CAPN1: variants seen among roughly 807,000 people sequenced by gnomAD.
The protein encoded by CAPN1 is calpain-1 catalytic subunit.
Under a neutral mutation model 105.2 loss-of-function variants are expected in CAPN1, and 77 were observed. The ratio of observed to expected loss-of-function variants is 0.73; its 90% CI spans 0.61 to 0.88. The LOEUF is 0.88. Among genes scored for constraint, CAPN1 ranks in the 40% least tolerant of loss-of-function variants. CAPN1 has a pLI of 0.00. For synonymous variants in CAPN1, 355 were observed against 388.8 expected (o/e 0.91, Z 1.02); for missense variants, 833 against 976.6 (o/e 0.85, Z 1.96).
chr11:65,193,873 G>A (rs184357552), intron 10 of CAPN1, among the ~76,000 whole-genome samples: 21 of 150,836 alleles, frequency 1.4e-4, no homozygotes, highest in African/African-American at 4.1e-4. Context: ...GGGATTATAC[G>A]TGTGTGCCAC....
intron 1 of CAPN1, 160 bp downstream of exon 1, chr11:65,182,173 G>A: frequency 6.4e-6 from 1 of 157,208 alleles, no homozygotes; most frequent in Non-Finnish European, 1.4e-5. Context: ...TCCCAGCCTG[G>A]CTCACCGCTG....
intron 11 of CAPN1, among the ~76,000 whole-genome samples, chr11:65,205,147 T>C (rs1322073403): frequency 6.6e-6 from 1 of 152,184 alleles, no homozygotes; most frequent in Non-Finnish European, 1.5e-5. Flanking sequence ...AGGAGGGAGC[T>C]GGCTCAGCTG....
intron 11 of CAPN1, among the ~76,000 whole-genome samples, chr11:65,205,241 C>T (rs1228948233): frequency 6.6e-6 from 1 of 152,184 alleles, no homozygotes; most frequent in African/African-American, 2.4e-5. Context: ...GAGGGCCTGT[C>T]GGCCAAGGTG....
chr11:65,187,027 C>T (rs1166859752), intron 6 of CAPN1, among the ~76,000 whole-genome samples, 188 bp from the exon 7 acceptor site: 2 of 152,176 alleles, frequency 1.3e-5, no homozygotes, highest in Non-Finnish European at 2.9e-5. Context: ...GGTACCCAGG[C>T]TACCCCTCTC....
Position 65,208,001 on chromosome 11 carries a change from C to T in CAPN1, c.1606-54C>T. 7.0e-7 allele frequency: 1 copy of T among 1,432,070 alleles called. No homozygotes were observed. 88.7% of individuals were successfully genotyped at this position (1,432,070 alleles called of 1,614,324 possible). On this transcript the variant is annotated intron_variant, in intron 14 of 21. Transcript: ENST00000279247. The surrounding 1 kb of genome is among the most constrained non-coding windows in gnomAD (Gnocchi z 4.1). ...CCTCAGCCCTCCCTCCAGCTGCCTCCACACGGGCAGGGCCGGGGCCTCTCT... is the reference window on the plus strand; with the variant it reads ...CCTCAGCCCTCCCTCCAGCTGCCTCTACACGGGCAGGGCCGGGGCCTCTCT...
chr11:65,199,747 T>C (rs1196097279), intron 10 of CAPN1, among the ~76,000 whole-genome samples: 3 of 152,216 alleles, frequency 2.0e-5, no homozygotes, highest in Admixed American at 2.0e-4. Context: ...AAAATTTTGT[T>C]TCTAGAAGAT....
chr11:65,210,817 T>C lies in CAPN1; in HGVS notation c.2063T>C (p.Phe688Ser). ...CLVRLETMFRFFKTLDTDLDG... is the reference protein window; with the variant it reads ...CLVRLETMFRSFKTLDTDLDG... ...TCACCTTTTCTTGAACACACAGGATTTTTCAAAACTCTGGACACAGATCTG... is the reference window on the plus strand; with the variant it reads ...TCACCTTTTCTTGAACACACAGGATCTTTCAAAACTCTGGACACAGATCTG... The change falls in exon 21 of 22, where the codon TTT (phenylalanine) becomes TCT (serine). Residue 688 changes from phenylalanine to serine, a missense_variant. Phe to Ser is a radical substitution (Grantham distance 155). Transcript: ENST00000279247. This position sits in a 1 kb window ranked among gnomAD's most constrained non-coding sequence, Gnocchi z 4.3. The C allele has an allele frequency of 6.2e-7, 1 of 1,613,614 alleles. No homozygotes were observed. Among genetic ancestry groups the C allele is most frequent in the South Asian group, 1.1e-5 (1 of 91,080 alleles).
At position 65,193,644 on chromosome 11, in the gene CAPN1, C is replaced by CAAA. The variant is rs34729975; in HGVS notation, c.1165+4917_1165+4919dup. Among the ~76,000 whole-genome samples the CAAA allele has an allele frequency of 3.2e-3, 186 of 58,502 alleles. 4 individuals carry two copies. Among genetic ancestry groups the CAAA allele is most frequent in the Non-Finnish European group, 4.6e-3 (151 of 32,544 alleles). The allele number at this position is 58,502 out of a possible 152,430, so 38.4% of individuals were successfully genotyped here. A position where few individuals can be genotyped will look rare whatever the true frequency, so the allele number is the denominator to read the frequency against. ...CGGGCAATAGAGCGAGACTCTGTCT[C>CAAA]AAAAAAAAAAAAAAAAAAAAAGACT... is the stretch of plus-strand genomic sequence containing the variant. On this transcript the variant is annotated intron_variant, in intron 10 of 21. Coordinates refer to ENST00000279247, the MANE Select transcript of CAPN1 (RefSeq NM_005186.4).
intron 10 of CAPN1, among the ~76,000 whole-genome samples, chr11:65,199,016 G>A (rs1166486893): frequency 6.6e-6 from 1 of 152,282 alleles, no homozygotes; most frequent in East Asian, 1.9e-4. Context: ...TGTATTTTTA[G>A]TAGAGATGGG....
intron 10 of CAPN1, among the ~76,000 whole-genome samples, chr11:65,201,061 C>T (rs1948862080): frequency 6.7e-6 from 1 of 149,866 alleles, no homozygotes. Flanking sequence ...TCTCCTGCCT[C>T]AGCCTCCCCA....
chr11:65,204,610 G>A, intron 10 of CAPN1, 73 bp from the exon 11 acceptor site: 2 of 1,342,422 alleles, frequency 1.5e-6, no homozygotes, highest in Admixed American at 1.8e-5. Flanking sequence ...ACAGGGACGT[G>A]CTGAGGAGGC....
rs1565416308 is a variant in CAPN1, at chr11:65,204,815, G to GCT, written c.1299_1300dup (p.Phe434SerfsTer28). On this transcript the variant is annotated frameshift_variant, in exon 11 of 22. Coordinates refer to ENST00000279247, the MANE Select transcript of CAPN1 (RefSeq NM_005186.4). LOFTEE classifies it high-confidence loss of function. ...CAGAAGCACCGTCGCCGCGAGCGCC[G>GCT]CTTCGGCCGCGACATGGAGACTATT... 1 of 1,612,184 alleles carries GCT rather than the reference G, an allele frequency of 6.2e-7. No homozygotes were observed. Among genetic ancestry groups the GCT allele is most frequent in the Admixed American group, 1.7e-5 (1 of 60,014 alleles).
At position 65,188,882 on chromosome 11, in the gene CAPN1, A is replaced by G. The variant is rs561773198; in HGVS notation, c.1165+136A>G. 2 of 754,886 alleles carry G rather than the reference A, an allele frequency of 2.6e-6. No individual in the cohort carries two copies. Among genetic ancestry groups the G allele is most frequent in the African/African-American group, 3.5e-5 (2 of 56,928 alleles). The allele number at this position is 754,886 out of a possible 1,614,324, so 46.8% of individuals were successfully genotyped here. A position where few individuals can be genotyped will look rare whatever the true frequency, so the allele number is the denominator to read the frequency against. On this transcript the variant is annotated intron_variant, in intron 10 of 21. Coordinates refer to ENST00000279247, the MANE Select transcript of CAPN1 (RefSeq NM_005186.4). This position sits in a 1 kb window ranked among gnomAD's most constrained non-coding sequence, Gnocchi z 5.5. ...TTGAATTTGCTTTGAGGAGTAAAAT[A>G]TTAAATGTCCTAGTAAATTTTAAAG...
In CAPN1 at chr11:65,210,403, C is replaced by T. The variant is rs1176712087; in HGVS notation, c.2010C>T (p.Val670=). ...GCTACTCGGAGCCCGACCTGGCGGTCGACTTTGACAATTTCGTTTGCTGCC... is the reference window on the plus strand; with the variant it reads ...GCTACTCGGAGCCCGACCTGGCGGTTGACTTTGACAATTTCGTTTGCTGCC... ...ITRYSEPDLA[V]DFDNFVCCLV... Residue 670 remains valine, a synonymous_variant, in exon 20 of 22, where the codon GTC becomes GTT. Transcript: ENST00000279247. The surrounding 1 kb of genome is among the most constrained non-coding windows in gnomAD (Gnocchi z 4.3). The T allele has an allele frequency of 6.2e-7, 1 of 1,613,290 alleles. No individual in the cohort carries two copies.
In CAPN1 at chr11:65,188,456, G is replaced by A; in HGVS notation, c.972G>A (p.Gln324=). The change falls in exon 9 of 22, where the codon CAG becomes CAA. Residue 324 remains glutamine, a synonymous_variant. Coordinates refer to ENST00000279247, the MANE Select transcript of CAPN1 (RefSeq NM_005186.4). This position sits in a 1 kb window ranked among gnomAD's most constrained non-coding sequence, Gnocchi z 5.5. Reference sequence around the variant, plus strand: ...ACGTGGACCCATATGAACGGGACCAGCTCCGGGTCAAGATGGAGGACGGGG... The same window carrying A: ...ACGTGGACCCATATGAACGGGACCAACTCCGGGTCAAGATGGAGGACGGGG... ...WNNVDPYERD[Q]LRVKMEDGEF... 1 of 1,613,202 alleles carries A rather than the reference G, an allele frequency of 6.2e-7. No homozygotes were observed.
rs369163523 is a variant in CAPN1 at position 65,188,710 on chromosome 11, C to T, written c.1129C>T (p.Arg377Trp). ...NTTLYEGTWR[R>W]GSTAGGCRNY... ...CACACTCTACGAAGGCACCTGGCGGCGGGGGAGCACCGCGGGGGGCTGCCG... is the reference window on the plus strand; with the variant it reads ...CACACTCTACGAAGGCACCTGGCGGTGGGGGAGCACCGCGGGGGGCTGCCG... The change falls in exon 10 of 22, where the codon CGG becomes TGG. Residue 377 changes from arginine to tryptophan, a missense_variant. By Grantham distance (101) the Arg-to-Trp change is moderately radical (BLOSUM62 -3). Coordinates refer to ENST00000279247, the MANE Select transcript of CAPN1 (RefSeq NM_005186.4). The surrounding 1 kb of genome is among the most constrained non-coding windows in gnomAD (Gnocchi z 5.5). The T allele has an allele frequency of 8.7e-6, 14 of 1,601,184 alleles. No individual in the cohort carries two copies. Among genetic ancestry groups the T allele is most frequent in the East Asian group, 2.3e-5 (1 of 43,982 alleles).
At chr11:65,196,788 T>TA (rs1047852763) in intron 10 of CAPN1, among the ~76,000 whole-genome samples, 1 of 152,162 alleles carries the variant, frequency 6.6e-6, no homozygotes, top group African/African-American at 2.4e-5. Context: ...TTTCTCATAG[T>TA]AAAAAAATGT....
chr11:65,192,882 C>T (rs1474231904), intron 10 of CAPN1, among the ~76,000 whole-genome samples: 2 of 152,042 alleles, frequency 1.3e-5, no homozygotes, highest in South Asian at 2.1e-4. Context: ...GCTGAGATTA[C>T]AGGCATGAGC....
chr11:65,204,965 C>A, intron 11 of CAPN1, 107 bp downstream of exon 11: 1 of 914,156 alleles, frequency 1.1e-6, no homozygotes, highest in Non-Finnish European at 1.6e-6. Flanking sequence ...GGGACCATGC[C>A]CTTCCCCACA....
Sources: allele counts gnomAD v4.1 joint callset (sites outside exome capture counted in the v4.1 genomes callset), GRCh38; gene constraint gnomAD v4.1.1; non-coding constraint Gnocchi (gnomAD v3.1); transcripts MANE v1.5; gene names NCBI Gene and HGNC (gene_info 2026-07-23, HGNC 2026-07-21).